The following PITPNC1 variants were observed in gnomAD, a reference collection of about 807,000 sequenced individuals.
PITPNC1 encodes the protein cytoplasmic phosphatidylinositol transfer protein 1.
PITPNC1 carries 18 observed loss-of-function variants against 44.7 expected under a neutral mutation model. The observed-to-expected ratio is 0.40, with a 90% CI of 0.28 to 0.60. The LOEUF is 0.60. Among genes scored for constraint, PITPNC1 ranks in the 20% least tolerant of loss-of-function variants. The pLI is 0.39. For missense variants in PITPNC1, 290 were observed against 418.4 expected, an observed-to-expected ratio of 0.69 and a Z score of 2.68; for synonymous variants, 141 against 149.6, an observed-to-expected ratio of 0.94 and a Z score of 0.42.
chr17:67,538,297 A>C (rs12103488), intron 2 of PITPNC1, among the ~76,000 whole-genome samples: 23,973 of 152,116 alleles, frequency 0.16, 2,423 homozygotes, highest in East Asian at 0.51. Context: ...CCTTCACACT[A>C]CACACACAAA....
chr17:67,462,079 C>T (rs1419760155), intron 1 of PITPNC1, among the ~76,000 whole-genome samples: 3 of 151,988 alleles, frequency 2.0e-5, no homozygotes, highest in African/African-American at 7.2e-5. Context: ...CTAAAGAAAG[C>T]AGTGCTGTTG....
intron 1 of PITPNC1, among the ~76,000 whole-genome samples, chr17:67,448,326 T>A (rs139115646): frequency 1.3e-3 from 195 of 152,044 alleles, no homozygotes; most frequent in Middle Eastern, 0.01. Context: ...TTGGTCACAG[T>A]CTTTATGTGT....
At chr17:67,380,210 G>C (rs1367884485) in intron 1 of PITPNC1, among the ~76,000 whole-genome samples, 2 of 152,040 alleles carry the variant, frequency 1.3e-5, no homozygotes, top group African/African-American at 4.8e-5. Flanking sequence ...GAGTAGCTGA[G>C]ATTACAGGTG....
chr17:67,553,540 A>G (rs1012298382), intron 3 of PITPNC1, 70 bp from the exon 4 acceptor site: 33 of 689,010 alleles, frequency 4.8e-5, no homozygotes, highest in Middle Eastern at 2.4e-4. Context: ...TATTGCATAT[A>G]AGCATGATCT....
chr17:67,383,796 TG>T (rs893379907), intron 1 of PITPNC1, among the ~76,000 whole-genome samples: 1 of 152,206 alleles, frequency 6.6e-6, no homozygotes, highest in African/African-American at 2.4e-5. Flanking sequence ...CCCAGCACTT[TG>T]GGAGGCTGAG....
chr17:67,398,831 A>G (rs576626542), intron 1 of PITPNC1, among the ~76,000 whole-genome samples: 2 of 152,156 alleles, frequency 1.3e-5, no homozygotes, highest in East Asian at 3.9e-4. Flanking sequence ...TTGTTGTGGC[A>G]TAGAGTAAGG....
At chr17:67,598,588 A>G (rs2041490629) in intron 5 of PITPNC1, among the ~76,000 whole-genome samples, 1 of 152,166 alleles carries the variant, frequency 6.6e-6, no homozygotes, top group African/African-American at 2.4e-5. Context: ...ATGTGAGGAC[A>G]CAACTAGAAG....
At chr17:67,448,961 T>C (rs1277990339) in intron 1 of PITPNC1, among the ~76,000 whole-genome samples, 1 of 152,112 alleles carries the variant, frequency 6.6e-6, no homozygotes, top group Non-Finnish European at 1.5e-5. Context: ...GAGACGGGGT[T>C]TTGCCATGTT....
At chr17:67,620,632 A>G (rs2041817390) in intron 5 of PITPNC1, among the ~76,000 whole-genome samples, 1 of 152,124 alleles carries the variant, frequency 6.6e-6, no homozygotes, top group African/African-American at 2.4e-5. Context: ...TGGCTCTGGA[A>G]AAACAATTTT....
intron 1 of PITPNC1, among the ~76,000 whole-genome samples, chr17:67,380,924 C>T (rs2037948674): frequency 6.6e-6 from 1 of 152,140 alleles, no homozygotes; most frequent in Non-Finnish European, 1.5e-5. Flanking sequence ...TAGGTGTGTG[C>T]TGCCAACCCG....
intron 2 of PITPNC1, among the ~76,000 whole-genome samples, chr17:67,537,926 C>G (rs931965348): frequency 2.0e-5 from 3 of 151,114 alleles, no homozygotes; most frequent in Admixed American, 2.0e-4. Flanking sequence ...GACCCAAGAT[C>G]GCGCCAGTGC....
At chr17:67,667,484 C>A (rs2042439592) in intron 6 of PITPNC1, among the ~76,000 whole-genome samples, 1 of 66,768 alleles carries the variant, frequency 1.5e-5, no homozygotes, top group Non-Finnish European at 3.1e-5. Context: ...AGCCATGATC[C>A]TTTCTCAAAA....
chr17:67,513,332 T>A (rs1313414462), intron 1 of PITPNC1, among the ~76,000 whole-genome samples: 2 of 151,312 alleles, frequency 1.3e-5, no homozygotes, highest in Admixed American at 1.3e-4. Flanking sequence ...CACTCCAGCC[T>A]GGGTGACACA....
intron 6 of PITPNC1, among the ~76,000 whole-genome samples, chr17:67,668,804 G>GTGAGCA (rs151275642): frequency 2.9e-5 from 1 of 34,596 alleles, no homozygotes; most frequent in Non-Finnish European, 1.1e-4. Flanking sequence ...GGAGCTTGCA[G>GTGAGCA]TGAGCCGAGA....
In PITPNC1 at chr17:67,676,022, C is replaced by T. The variant is rs1353606696; in HGVS notation, c.682+480C>T. On this transcript the variant is annotated intron_variant, in intron 8 of 8. Coordinates refer to ENST00000581322, the MANE Select transcript of PITPNC1 (RefSeq NM_012417.4). The surrounding 1 kb of genome is among the most constrained non-coding windows in gnomAD (Gnocchi z 4.0). ...GAGATCGAGACCATCCTGGCTAACA[C>T]GGTGAAACCCCGTCTCTACTAAATA... Among the ~76,000 whole-genome samples, 1 of 152,006 alleles carries T rather than the reference C, an allele frequency of 6.6e-6. No individual in the cohort carries two copies. Among genetic ancestry groups the T allele is most frequent in the Non-Finnish European group, 1.5e-5 (1 of 67,988 alleles).
chr17:67,462,225 C>CTTTTTT (rs549707875), intron 1 of PITPNC1, among the ~76,000 whole-genome samples: 783 of 71,268 alleles, frequency 0.011, 2 homozygotes, highest in Non-Finnish European at 0.014. Flanking sequence ...TTCTTTCTTT[C>CTTTTTT]TTTTTTTTTT....
intron 4 of PITPNC1, among the ~76,000 whole-genome samples, chr17:67,571,568 A>T: frequency 6.6e-6 from 1 of 152,230 alleles, no homozygotes; most frequent in East Asian, 1.9e-4. Context: ...GCATCAACCA[A>T]GGTTCTAGTT....
chr17:67,687,082 T>C (rs142373901), intron 8 of PITPNC1: 6 of 1,606,112 alleles, frequency 3.7e-6, no homozygotes, highest in South Asian at 2.2e-5. Context: ...CAATGGATGA[T>C]GTTCGGGAAT....
chr17:67,661,579 C>T (rs2042347958), intron 6 of PITPNC1, among the ~76,000 whole-genome samples: 1 of 152,114 alleles, frequency 6.6e-6, no homozygotes, highest in Non-Finnish European at 1.5e-5. Context: ...GAGGGAAGTG[C>T]TCTGTGACCA....
Sources: gnomAD v4.1 joint callset for allele counts (sites outside exome capture counted in the v4.1 genomes callset) on GRCh38, gnomAD v4.1.1 for gene constraint, Gnocchi (gnomAD v3.1) non-coding constraint, MANE v1.5 for transcripts, NCBI Gene and HGNC (gene_info 2026-07-23, HGNC 2026-07-21) for gene names.